The following PNKD variants were observed in gnomAD, a reference collection of about 807,000 sequenced individuals.
PNKD encodes probable thioesterase PNKD.
Under a neutral mutation model 45.3 loss-of-function variants are expected in PNKD, and 36 were observed. The ratio of observed to expected loss-of-function variants is 0.80; its 90% CI spans 0.61 to 1.05. The LOEUF (loss-of-function observed/expected upper bound fraction) is 1.05. Ranked by LOEUF, PNKD falls within the 50% of genes least tolerant of loss-of-function variation. PNKD has a pLI of 0.00. For missense variants in PNKD, 511 were observed against 506.6 expected, an observed-to-expected ratio of 1.01 and a Z score of -0.08; for synonymous variants, 197 against 210.1, an observed-to-expected ratio of 0.94 and a Z score of 0.54.
intron 2 of PNKD, chr2:218,274,750 C>T (rs569581018): frequency 3.7e-4 from 57 of 155,144 alleles, no homozygotes; most frequent in African/African-American, 1.1e-3. Context: ...GAGCAGATGG[C>T]CACATGTGGC....
chr2:218,322,864 G>A (rs752149365), intron 2 of PNKD, among the ~76,000 whole-genome samples: 30 of 152,246 alleles, frequency 2.0e-4, no homozygotes, highest in Non-Finnish European at 4.1e-4. Context: ...ATAAATCCAT[G>A]AATGGCAGCT....
chr2:218,341,444 C>A, intron 5 of PNKD, 90 bp from the exon 6 acceptor site: 1 of 802,934 alleles, frequency 1.2e-6, no homozygotes, highest in South Asian at 1.7e-5. Context: ...ACAGCCCCAG[C>A]ACTTAAAGGC....
chr2:218,295,040 C>T lies in PNKD; in HGVS notation c.236+23491C>T, dbSNP rs188212881. ...CAATCACCAGCGACTCACATCTGCC[C>T]GACTGGGGGAGTGGGACATGGGGCA... On this transcript the variant is annotated intron_variant, in intron 2 of 9. Coordinates refer to ENST00000273077, the MANE Select transcript of PNKD (RefSeq NM_015488.5). Among the ~76,000 whole-genome samples the T allele has an allele frequency of 2.1e-3, 319 of 152,234 alleles. 1 individual carries two copies. Among genetic ancestry groups the T allele is most frequent in the Non-Finnish European group, 2.1e-3 (144 of 68,014 alleles).
intron 2 of PNKD, among the ~76,000 whole-genome samples, chr2:218,300,475 G>A (rs1052230800): frequency 1.3e-5 from 2 of 152,032 alleles, no homozygotes; most frequent in African/African-American, 2.4e-5. Context: ...CAAATAGATC[G>A]CTTGGGGTTC....
At chr2:218,291,637 G>A (rs993329732) in intron 2 of PNKD, among the ~76,000 whole-genome samples, 13 of 152,092 alleles carry the variant, frequency 8.5e-5, no homozygotes, top group East Asian at 1.9e-4. Context: ...AATTGGTGCC[G>A]ACCCCACAAG....
chr2:218,279,599 C>T (rs1341650294), intron 2 of PNKD: 7 of 509,758 alleles, frequency 1.4e-5, no homozygotes, highest in African/African-American at 1.9e-5. Flanking sequence ...CTTGCCCTGC[C>T]TGGCCACCAT....
At chr2:218,324,000 C>T (rs951415923) in intron 2 of PNKD, among the ~76,000 whole-genome samples, 13 of 152,222 alleles carry the variant, frequency 8.5e-5, no homozygotes, top group African/African-American at 2.7e-4. Flanking sequence ...TTCCTTCTAA[C>T]CAAAGCCTGG....
chr2:218,277,611 G>A (rs1379198735), intron 2 of PNKD: 3 of 1,613,998 alleles, frequency 1.9e-6, no homozygotes, highest in African/African-American at 1.3e-5. Flanking sequence ...TCCCAAGAGT[G>A]GTGCTTTATC....
chr2:218,277,186 G>T, intron 2 of PNKD: 1 of 1,246,664 alleles, frequency 8.0e-7, no homozygotes, highest in Non-Finnish European at 1.2e-6. Flanking sequence ...TCCCAGTGCT[G>T]CCTCCTAGGG....
chr2:218,276,248 T>TA (rs1191165259), intron 2 of PNKD, among the ~76,000 whole-genome samples: 13 of 152,128 alleles, frequency 8.5e-5, no homozygotes, highest in Non-Finnish European at 1.5e-4. Flanking sequence ...AGACTGGTGA[T>TA]ATATCCAGCA....
intron 2 of PNKD, among the ~76,000 whole-genome samples, chr2:218,331,179 G>A (rs925506076): frequency 6.6e-6 from 1 of 152,082 alleles, no homozygotes; most frequent in Non-Finnish European, 1.5e-5. Context: ...CTTTGGGAGG[G>A]CGAGGCAGGT....
intron 2 of PNKD, chr2:218,292,671 A>G (rs899363618): frequency 6.6e-6 from 1 of 152,084 alleles, no homozygotes; most frequent in Non-Finnish European, 1.5e-5. Context: ...CACTAATAAC[A>G]CAGGGGTATT....
At chr2:218,343,231 G>A (rs1428880641) in intron 7 of PNKD, among the ~76,000 whole-genome samples, 3 of 152,224 alleles carry the variant, frequency 2.0e-5, no homozygotes, top group African/African-American at 7.2e-5. Context: ...TACCAAGCCT[G>A]GGGCCTGCAG....
intron 2 of PNKD, among the ~76,000 whole-genome samples, chr2:218,324,915 G>A (rs1325270947): frequency 3.4e-5 from 5 of 147,270 alleles, no homozygotes; most frequent in Admixed American, 6.8e-5. Flanking sequence ...CAGCCTGGGC[G>A]ACAGAGTGAG....
At chr2:218,320,024 G>A (rs1439692787) in intron 2 of PNKD, among the ~76,000 whole-genome samples, 1 of 152,256 alleles carries the variant, frequency 6.6e-6, no homozygotes, top group Admixed American at 6.5e-5. Flanking sequence ...GAGGAAGTGT[G>A]GCTGGTCCGT....
rs1694634150 is a variant in PNKD at position 218,340,261 on chromosome 2, T to C, written c.465+120T>C. On this transcript the variant is annotated intron_variant, in intron 4 of 9. Coordinates refer to ENST00000273077, the MANE Select transcript of PNKD (RefSeq NM_015488.5). This position sits in a 1 kb window ranked among gnomAD's most constrained non-coding sequence, Gnocchi z 4.2. ...CGTGGGATGTGTCCCATATGCTCCA[T>C]GTTCACACGTGCACATGCGCACACA... The C allele has an allele frequency of 2.8e-6, 2 of 702,810 alleles. No individual in the cohort carries two copies. The highest frequency in any genetic ancestry group is 5.2e-6 in the Non-Finnish European group (2 of 387,816). 43.5% of individuals were successfully genotyped at this position (702,810 alleles called of 1,614,324 possible). A position where few individuals can be genotyped will look rare whatever the true frequency, so the allele number is the denominator to read the frequency against.
intron 2 of PNKD, among the ~76,000 whole-genome samples, chr2:218,336,984 G>C (rs35746834): frequency 6.6e-6 from 1 of 151,850 alleles, no homozygotes. Context: ...ATTTTTAGCA[G>C]AGATGGGGTT....
At chr2:218,308,574 C>T (rs932324620) in intron 2 of PNKD, among the ~76,000 whole-genome samples, 5 of 151,458 alleles carry the variant, frequency 3.3e-5, no homozygotes, top group African/African-American at 7.3e-5. Flanking sequence ...CTATTTTTTT[C>T]TCCACTACTT....
chr2:218,322,157 C>T (rs1431622667), intron 2 of PNKD, among the ~76,000 whole-genome samples: 1 of 150,838 alleles, frequency 6.6e-6, no homozygotes, highest in East Asian at 2.0e-4. Flanking sequence ...CCCGACCTCA[C>T]GTGATCCGCC....
Sources: gnomAD v4.1 joint callset for allele counts (sites outside exome capture counted in the v4.1 genomes callset) on GRCh38, gnomAD v4.1.1 for gene constraint, Gnocchi (gnomAD v3.1) non-coding constraint, MANE v1.5 for transcripts, NCBI Gene and HGNC (gene_info 2026-07-23, HGNC 2026-07-21) for gene names.